The following PALM2AKAP2 variants were observed in gnomAD, a reference collection of about 807,000 sequenced individuals.
The protein encoded by PALM2AKAP2 is PALM2-AKAP2 fusion protein.
PALM2AKAP2 carries 37 observed loss-of-function variants against 71.5 expected under a neutral mutation model. That is an observed-to-expected ratio of 0.52 (90% CI 0.40 to 0.68). The LOEUF is 0.68. Ranked by LOEUF, PALM2AKAP2 falls within the 30% of genes least tolerant of loss-of-function variation. The pLI, the probability that PALM2AKAP2 is intolerant of heterozygous loss-of-function variation, is 0.00. For missense variants in PALM2AKAP2, 1,224 were observed against 1,191.8 expected (o/e 1.03, Z -0.40); for synonymous variants, 468 against 478.8 (o/e 0.98, Z 0.29).
chr9:109,937,337 C>T (rs1335824475), intron 6 of PALM2AKAP2, among the ~76,000 whole-genome samples: 1 of 152,178 alleles, frequency 6.6e-6, no homozygotes. Context: ...TCAACCTCAA[C>T]TTAATGTCTC....
intron 1 of PALM2AKAP2, among the ~76,000 whole-genome samples, chr9:109,678,602 G>C (rs1587864423): frequency 6.6e-6 from 1 of 152,098 alleles, no homozygotes; most frequent in Non-Finnish European, 1.5e-5. Flanking sequence ...TGCTGTTTTG[G>C]GGGGTGCATC....
intron 1 of PALM2AKAP2, among the ~76,000 whole-genome samples, chr9:109,824,973 A>G (rs192036445): frequency 2.6e-5 from 4 of 152,368 alleles, no homozygotes; most frequent in Admixed American, 2.6e-4. Flanking sequence ...AGAGGATCGA[A>G]GGCTTAGAAT....
intron 6 of PALM2AKAP2, chr9:109,946,687 C>CA (rs746162235): frequency 0.085 from 3,147 of 36,872 alleles, 159 homozygotes; most frequent in Admixed American, 0.11. Context: ...AACTCCATCT[C>CA]AAAAAAAAAA....
In PALM2AKAP2 at chr9:109,686,028, A is replaced by G. The variant is rs143334670; in HGVS notation, c.5+45162A>G. ...GAACCATTTTCTTTGCTTATTTGTA[A>G]GAAGCAACTCTCTGTCCATTCAAGT... On this transcript the variant is annotated intron_variant, in intron 1 of 6. Coordinates refer to the PALM2AKAP2 transcript ENST00000374531. Among the ~76,000 whole-genome samples the G allele has an allele frequency of 1.2e-3, 179 of 152,318 alleles. 1 individual carries two copies. The highest frequency in any genetic ancestry group is 4.0e-3 in the African/African-American group (168 of 41,572).
intron 5 of PALM2AKAP2, among the ~76,000 whole-genome samples, chr9:109,929,425 G>A (rs1831038088): frequency 2.0e-5 from 3 of 151,888 alleles, no homozygotes; most frequent in South Asian, 4.2e-4. Context: ...CTCTTCCCAC[G>A]GACAATTGTC....
At chr9:109,929,135 T>C (rs1172007779) in intron 5 of PALM2AKAP2, among the ~76,000 whole-genome samples, 1 of 152,116 alleles carries the variant, frequency 6.6e-6, no homozygotes, top group Non-Finnish European at 1.5e-5. Flanking sequence ...GAATCACATG[T>C]TCTTTCAGAT....
intron 1 of PALM2AKAP2, among the ~76,000 whole-genome samples, chr9:110,095,559 C>A (rs1834816558): frequency 6.6e-6 from 1 of 152,026 alleles, no homozygotes; most frequent in Non-Finnish European, 1.5e-5. Flanking sequence ...TCATGTGGAC[C>A]CTCAGCTATG....
At chr9:109,950,503 C>A (rs1831611800) in intron 6 of PALM2AKAP2, among the ~76,000 whole-genome samples, 1 of 152,090 alleles carries the variant, frequency 6.6e-6, no homozygotes, top group Non-Finnish European at 1.5e-5. Flanking sequence ...AAGCTCTTCC[C>A]CTACACCTGC....
intron 1 of PALM2AKAP2, among the ~76,000 whole-genome samples, chr9:109,678,796 G>A (rs1827684998): frequency 6.6e-6 from 1 of 152,120 alleles, no homozygotes; most frequent in African/African-American, 2.4e-5. Flanking sequence ...GATGGTTTGG[G>A]CTTGATAAGT....
rs553517357 is a variant in PALM2AKAP2 at position 109,899,164 on chromosome 9, A to G, written c.257+18483A>G. Among the ~76,000 whole-genome samples the G allele has an allele frequency of 1.2e-4, 19 of 152,042 alleles. No individual in the cohort carries two copies. The South Asian group carries it at 1.3e-3, about 10-fold the overall frequency. On this transcript the variant is annotated intron_variant, in intron 3 of 9. Transcript: ENST00000302798. Reference sequence around the variant, plus strand: ...TCCATTTGGATCCCCCCAGACACCTATAACTCAGCATGCTAAAAATTCATT... The same window carrying G: ...TCCATTTGGATCCCCCCAGACACCTGTAACTCAGCATGCTAAAAATTCATT...
chr9:110,070,706 A>G (rs982395259), intron 1 of PALM2AKAP2, among the ~76,000 whole-genome samples: 1 of 152,214 alleles, frequency 6.6e-6, no homozygotes, highest in African/African-American at 2.4e-5. Context: ...ATGCTGTACC[A>G]TAGAGAGAGG....
At chr9:109,822,577 CCATGGTATACTCAGTGTTTAGCT>C (rs1322445588) in intron 1 of PALM2AKAP2, among the ~76,000 whole-genome samples, 3 of 152,132 alleles carry the variant, frequency 2.0e-5, no homozygotes, top group African/African-American at 7.2e-5. Context: ...TTCTTTTTGT[CCATGGTATACTCAGTGTTTAGCT>C]CCCACTTATA....
chr9:109,819,844 CA>C (rs1475112644), intron 1 of PALM2AKAP2, among the ~76,000 whole-genome samples: 1 of 152,066 alleles, frequency 6.6e-6, no homozygotes, highest in African/African-American at 2.4e-5. Context: ...GTGAGATCAC[CA>C]CTCATCATAA....
intron 6 of PALM2AKAP2, among the ~76,000 whole-genome samples, chr9:110,001,295 G>C (rs1257365486): frequency 2.6e-5 from 4 of 152,060 alleles, no homozygotes; most frequent in African/African-American, 7.2e-5. Flanking sequence ...TCTTGTTTTT[G>C]TCAGGTTTGT....
intron 3 of PALM2AKAP2, among the ~76,000 whole-genome samples, chr9:109,896,246 A>G (rs552494862): frequency 6.6e-6 from 1 of 152,266 alleles, no homozygotes; most frequent in African/African-American, 2.4e-5. Flanking sequence ...CTATCACGAG[A>G]ACAGTATGAG....
chr9:109,845,270 T>C (rs954033189), intron 1 of PALM2AKAP2, among the ~76,000 whole-genome samples: 2 of 152,198 alleles, frequency 1.3e-5, no homozygotes, highest in African/African-American at 4.8e-5. Context: ...GATCACCTTT[T>C]AGCTAAGAGC....
In PALM2AKAP2 at chr9:110,116,762, C is replaced by T. The variant is rs146014186; in HGVS notation, c.157-19365C>T. Among the ~76,000 whole-genome samples, 21 of 152,260 alleles carry T rather than the reference C, an allele frequency of 1.4e-4. No homozygotes were observed. The East Asian group carries it at 2.7e-3, about 20-fold the overall frequency. ...GCCAATAACTCATCTTCAGTGAAAA[C>T]GGAAGGTGATATTGTCATACAGCTG... is the stretch of plus-strand genomic sequence containing the variant. On this transcript the variant is annotated intron_variant, in intron 1 of 3. Coordinates refer to ENST00000374525, the Ensembl canonical transcript of PALM2AKAP2.
chr9:110,019,107 C>A (rs746224833), intron 7 of PALM2AKAP2, among the ~76,000 whole-genome samples: 5 of 151,702 alleles, frequency 3.3e-5, no homozygotes, highest in Non-Finnish European at 2.9e-5. Flanking sequence ...GGTGTGATGG[C>A]GCGTGCCTGT....
At chr9:110,035,897 T>C (rs1363640717) in intron 7 of PALM2AKAP2, among the ~76,000 whole-genome samples, 24 of 150,302 alleles carry the variant, frequency 1.6e-4, no homozygotes, top group Non-Finnish European at 1.5e-5. Context: ...TTGTGTGTTA[T>C]ATATAACATA....
Sources: allele counts gnomAD v4.1 joint callset (sites outside exome capture counted in the v4.1 genomes callset), GRCh38; gene constraint gnomAD v4.1.1; transcripts MANE v1.5; gene names NCBI Gene and HGNC (gene_info 2026-07-23, HGNC 2026-07-21).